The following NKAIN2 variants were observed in gnomAD, a reference collection of about 807,000 sequenced individuals.
NKAIN2 encodes the protein sodium/potassium transporting ATPase interacting 2, also known as sodium/potassium-transporting ATPase subunit beta-1-interacting protein 2.
A neutral mutation model predicts 32.6 loss-of-function variants in NKAIN2; 14 were observed. That is an observed-to-expected ratio of 0.43 (90% CI 0.28 to 0.67). NKAIN2 has a LOEUF of 0.67. Among genes scored for constraint, NKAIN2 ranks in the 30% least tolerant of loss-of-function variants. NKAIN2 has a pLI of 0.17. For missense variants in NKAIN2, 198 were observed against 258.3 expected, an observed-to-expected ratio of 0.77 and a Z score of 1.60; for synonymous variants, 80 against 87.2, an observed-to-expected ratio of 0.92 and a Z score of 0.46.
intron 2 of NKAIN2, among the ~76,000 whole-genome samples, chr6:124,308,372 C>G (rs1175503003): frequency 1.3e-5 from 2 of 152,082 alleles, no homozygotes; most frequent in African/African-American, 4.8e-5. Context: ...AACTCCACGA[C>G]TATTAGTTAA....
chr6:124,313,373 A>G (rs1384061294), intron 2 of NKAIN2, among the ~76,000 whole-genome samples: 1 of 152,108 alleles, frequency 6.6e-6, no homozygotes, highest in Non-Finnish European at 1.5e-5. Flanking sequence ...CCTGTCCCTT[A>G]AAAGCATCTC....
chr6:123,911,799 A>ATGTATATATATATATG (rs1562253399), intron 1 of NKAIN2, among the ~76,000 whole-genome samples: 34 of 99,290 alleles, frequency 3.4e-4, no homozygotes, highest in East Asian at 1.4e-3. Flanking sequence ...ATATATATAT[A>ATGTATATATATATATG]TGTATATATA....
chr6:123,921,223 G>C (rs1405031669), intron 1 of NKAIN2, among the ~76,000 whole-genome samples: 1 of 152,178 alleles, frequency 6.6e-6, no homozygotes, highest in Non-Finnish European at 1.5e-5. Flanking sequence ...CCATCTGAAA[G>C]GCAGTCCCTT....
At chr6:124,239,944 A>G (rs924898866) in intron 1 of NKAIN2, among the ~76,000 whole-genome samples, 5 of 152,310 alleles carry the variant, frequency 3.3e-5, no homozygotes, top group African/African-American at 9.6e-5. Context: ...CAAAAAATCA[A>G]TGAATCCAGG....
intron 4 of NKAIN2, among the ~76,000 whole-genome samples, chr6:124,746,688 A>G (rs780068899): frequency 1.3e-5 from 2 of 151,924 alleles, no homozygotes; most frequent in Non-Finnish European, 2.9e-5. Context: ...TACCTTTAGT[A>G]TGTCCCAAGT....
chr6:124,441,649 G>T (rs938885772), intron 3 of NKAIN2, among the ~76,000 whole-genome samples: 17 of 152,060 alleles, frequency 1.1e-4, no homozygotes, highest in Admixed American at 3.9e-4. Flanking sequence ...TACACTTTCA[G>T]ATGATTCTAT....
intron 1 of NKAIN2, among the ~76,000 whole-genome samples, chr6:123,927,705 C>G (rs1776064689): frequency 6.6e-6 from 1 of 152,178 alleles, no homozygotes; most frequent in Non-Finnish European, 1.5e-5. Flanking sequence ...CTTCTTCAGT[C>G]TTGTAGTTCT....
intron 4 of NKAIN2, among the ~76,000 whole-genome samples, chr6:124,688,952 G>A (rs1332575554): frequency 2.6e-5 from 4 of 152,106 alleles, no homozygotes; most frequent in African/African-American, 9.7e-5. Flanking sequence ...TGCACAGATT[G>A]TGGTGTGGAT....
At chr6:124,135,494 C>T (rs1379498196) in intron 1 of NKAIN2, among the ~76,000 whole-genome samples, 1 of 90,010 alleles carries the variant, frequency 1.1e-5, no homozygotes, top group African/African-American at 4.4e-5. Context: ...TCACACAAAA[C>T]AGACTTTAAA....
intron 4 of NKAIN2, among the ~76,000 whole-genome samples, chr6:124,738,727 C>T (rs1777066733): frequency 2.0e-5 from 3 of 151,804 alleles, no homozygotes; most frequent in Admixed American, 2.0e-4. Flanking sequence ...TGGCTGGGTT[C>T]CTGGTTCTGA....
intron 4 of NKAIN2, among the ~76,000 whole-genome samples, chr6:124,715,387 T>C (rs1257136793): frequency 6.6e-6 from 1 of 152,186 alleles, no homozygotes; most frequent in East Asian, 1.9e-4. Context: ...TCTTCTGACC[T>C]GCTATCTTCA....
intron 3 of NKAIN2, among the ~76,000 whole-genome samples, chr6:124,630,776 A>G (rs1036225921): frequency 6.6e-6 from 1 of 152,158 alleles, no homozygotes; most frequent in South Asian, 2.1e-4. Context: ...GGGAGAAATC[A>G]AATTATACAG....
At chr6:124,343,778 G>A (rs899220146) in intron 2 of NKAIN2, among the ~76,000 whole-genome samples, 1 of 149,352 alleles carries the variant, frequency 6.7e-6, no homozygotes, top group African/African-American at 2.4e-5. Context: ...CCATTTTGTA[G>A]GTTGCCTGTT....
At chr6:124,667,483 A>G (rs933440969) in intron 4 of NKAIN2, among the ~76,000 whole-genome samples, 4 of 152,154 alleles carry the variant, frequency 2.6e-5, no homozygotes, top group Admixed American at 1.3e-4. Flanking sequence ...ATATATTAAA[A>G]TACAGTATTT....
At chr6:124,569,203 A>G (rs1335798481) in intron 3 of NKAIN2, among the ~76,000 whole-genome samples, 1 of 152,122 alleles carries the variant, frequency 6.6e-6, no homozygotes, top group Admixed American at 6.5e-5. Context: ...CCTGCTTTCT[A>G]TCTTGGAATT....
At chr6:123,951,039 T>G (rs1237318914) in intron 1 of NKAIN2, among the ~76,000 whole-genome samples, 1 of 152,036 alleles carries the variant, frequency 6.6e-6, no homozygotes, top group Non-Finnish European at 1.5e-5. Flanking sequence ...TTTAGGAGCA[T>G]GTTGTTTAAC....
At chr6:124,532,489 G>C (rs1230782905) in intron 3 of NKAIN2, among the ~76,000 whole-genome samples, 2 of 152,166 alleles carry the variant, frequency 1.3e-5, no homozygotes, top group African/African-American at 4.8e-5. Context: ...AAGCCAGGAA[G>C]ACAGTGGGGG....
At chr6:124,155,589 A>T (rs1390981723) in intron 1 of NKAIN2, among the ~76,000 whole-genome samples, 1 of 151,760 alleles carries the variant, frequency 6.6e-6, no homozygotes, top group Admixed American at 6.6e-5. Context: ...TGTGTGTAAT[A>T]TATGCTATCT....
At chr6:124,064,462 T>G (rs966487261) in intron 1 of NKAIN2, among the ~76,000 whole-genome samples, 1 of 152,032 alleles carries the variant, frequency 6.6e-6, no homozygotes, top group African/African-American at 2.4e-5. Flanking sequence ...TTGCTTTACT[T>G]ATATTACTTT....
Sources: gnomAD v4.1 joint callset for allele counts (sites outside exome capture counted in the v4.1 genomes callset) on GRCh38, gnomAD v4.1.1 for gene constraint, MANE v1.5 for transcripts, NCBI Gene and HGNC (gene_info 2026-07-23, HGNC 2026-07-21) for gene names.